The following VAMP4 variants were observed in gnomAD, a reference collection of about 807,000 sequenced individuals.
The protein encoded by VAMP4 is vesicle-associated membrane protein 4.
A neutral mutation model predicts 23.5 loss-of-function variants in VAMP4; 19 were observed. The ratio of observed to expected loss-of-function variants is 0.81; its 90% CI spans 0.56 to 1.19. The LOEUF (loss-of-function observed/expected upper bound fraction) is 1.19, where lower values mean the gene tolerates loss of function less well. VAMP4 is among the 50% of genes most tolerant of loss of function. The pLI is 0.00. For synonymous variants in VAMP4, 31 were observed against 51.0 expected, an observed-to-expected ratio of 0.61 and a Z score of 1.67; for missense variants, 145 against 168.6, an observed-to-expected ratio of 0.86 and a Z score of 0.78.
chr1:171,710,600 T>C (rs1380649418), intron 5 of VAMP4, 114 bp downstream of exon 5: 1 of 729,950 alleles, frequency 1.4e-6, no homozygotes, highest in Non-Finnish European at 2.3e-6. Flanking sequence ...ATCATATACT[T>C]AAGAACCAAA....
chr1:171,737,063 T>C (rs1655766041), intron 2 of VAMP4, among the ~76,000 whole-genome samples: 1 of 152,182 alleles, frequency 6.6e-6, no homozygotes, highest in Admixed American at 6.6e-5. Flanking sequence ...ATGTTTCCTG[T>C]GTTGTACTAA....
In VAMP4 at chr1:171,706,440, A is replaced by T. The variant is rs147291240; in HGVS notation, c.346-22T>A. On this transcript the variant is annotated intron_variant, in intron 6 of 7. Transcript: ENST00000236192. Reference sequence around the variant, plus strand: ...TTATCTACAACACACAAAAGGGCATATATATTAATATTTGACTTGTTAATA... The same window carrying T: ...TTATCTACAACACACAAAAGGGCATTTATATTAATATTTGACTTGTTAATA... 48 of 1,594,398 alleles carry T rather than the reference A, an allele frequency of 3.0e-5. No homozygotes were observed. In the Middle Eastern group the frequency reaches 5.2e-4, roughly 17 times the overall value.
chr1:171,722,341 A>G (rs751957639), intron 3 of VAMP4, among the ~76,000 whole-genome samples: 4 of 152,250 alleles, frequency 2.6e-5, no homozygotes. Context: ...GGACATAGGC[A>G]TGGGCAAGGA....
chr1:171,704,052 T>A lies in VAMP4; in HGVS notation c.*454A>T, dbSNP rs1253151131. ...AAAACAACTGTAATATGAAAGGAAC[T>A]ATATTTCTGCAAATATTGACAGAAT... On this transcript the variant is annotated 3_prime_UTR_variant, in exon 8 of 8. Coordinates refer to ENST00000236192, the MANE Select transcript of VAMP4 (RefSeq NM_003762.5). 1 of 152,604 alleles carries A rather than the reference T, an allele frequency of 6.6e-6. No homozygotes were observed. Among genetic ancestry groups the A allele is most frequent in the Non-Finnish European group, 1.5e-5 (1 of 67,988 alleles). The allele number at this position is 152,604 out of a possible 1,614,324, so 9.5% of individuals were successfully genotyped here. A position where few individuals can be genotyped will look rare whatever the true frequency, so the allele number is the denominator to read the frequency against.
At position 171,719,202 on chromosome 1, in the gene VAMP4, T is replaced by G. The variant is rs1655111082; in HGVS notation, c.133A>C (p.Arg45=). ...ATTTTATCATTTCTAGGTCCAAATC[T>G]TGGTCCAGATGGTCCCCTTCTGAAA... ...DFFLRGPSGP[R]FGPRNDKIKH... The change falls in exon 4 of 8, where the codon AGA becomes CGA. Residue 45 remains arginine, a synonymous_variant. Coordinates refer to ENST00000236192, the MANE Select transcript of VAMP4 (RefSeq NM_003762.5). 6.2e-7 allele frequency: 1 copy of G among 1,611,540 alleles called. No homozygotes were observed. Among genetic ancestry groups the G allele is most frequent in the South Asian group, 1.1e-5 (1 of 90,742 alleles).
intron 4 of VAMP4, among the ~76,000 whole-genome samples, chr1:171,714,016 G>A: frequency 6.6e-6 from 1 of 152,132 alleles, no homozygotes; most frequent in East Asian, 1.9e-4. Flanking sequence ...TAATTTTTCT[G>A]CTACACTATT....
At chr1:171,736,743 A>C (rs1411443742) in intron 2 of VAMP4, among the ~76,000 whole-genome samples, 1 of 152,210 alleles carries the variant, frequency 6.6e-6, no homozygotes, top group Non-Finnish European at 1.5e-5. Context: ...TTGGGAGGCC[A>C]AGGCAGGTGG....
chr1:171,700,177 A>ATAGTT lies in VAMP4; in HGVS notation c.*4324_*4328dup, dbSNP rs1654382517. Reference sequence around the variant, plus strand: ...GTGCTTAATTTTTGTTTTCTATGAAATAGTTTATTTCATTGTTCACTATGG... The same window carrying ATAGTT: ...GTGCTTAATTTTTGTTTTCTATGAAATAGTTTAGTTTATTTCATTGTTCACTATGG... On this transcript the variant is annotated 3_prime_UTR_variant, in exon 8 of 8. Transcript: ENST00000236192. 1 of 152,220 alleles carries ATAGTT rather than the reference A, an allele frequency of 6.6e-6. No individual in the cohort carries two copies. The highest frequency in any genetic ancestry group is 6.5e-5 in the Admixed American group (1 of 15,272). The allele number at this position is 152,220 out of a possible 1,614,324, so 9.4% of individuals were successfully genotyped here.
intron 1 of VAMP4, 140 bp from the exon 2 acceptor site, chr1:171,738,603 C>T: frequency 1.7e-6 from 1 of 584,732 alleles, no homozygotes; most frequent in South Asian, 2.3e-5. Context: ...ACTTGTTCCA[C>T]TCCAGTGACT....
rs150349528 is a variant in VAMP4, at chr1:171,741,105, T to G, written c.-50+805A>C. On this transcript the variant is annotated intron_variant, in intron 1 of 7. Coordinates refer to ENST00000236192, the MANE Select transcript of VAMP4 (RefSeq NM_003762.5). ...ATACATGTAAATAAGAGAGCCATCA[T>G]GTACTTCCACATTGAGGATAGACCA... 2.0e-3 allele frequency among the ~76,000 whole-genome samples: 303 copies of G among 152,350 alleles called. 3 individuals are homozygous for G. Among genetic ancestry groups the G allele is most frequent in the South Asian group, 0.011 (51 of 4,830 alleles).
rs773750031 is a variant in VAMP4, at chr1:171,719,235, C to T, written c.114-14G>A. ...GATGGTCCCCTTCTGAAAACAAGTACATACCAAGTACATATTAGTAGTGAC... is the reference window on the plus strand; with the variant it reads ...GATGGTCCCCTTCTGAAAACAAGTATATACCAAGTACATATTAGTAGTGAC... On this transcript the variant is annotated splice_polypyrimidine_tract_variant and intron_variant, in intron 3 of 7. Coordinates refer to ENST00000236192, the MANE Select transcript of VAMP4 (RefSeq NM_003762.5). 3 of 1,608,000 alleles carry T rather than the reference C, an allele frequency of 1.9e-6. No individual in the cohort carries two copies. Among genetic ancestry groups the T allele is most frequent in the Admixed American group, 3.4e-5 (2 of 59,460 alleles).
At chr1:171,738,529 G>GTGTA in intron 1 of VAMP4, 66 bp from the exon 2 acceptor site, 1 of 1,016,378 alleles carries the variant, frequency 9.8e-7, no homozygotes, top group South Asian at 1.5e-5. Flanking sequence ...ACTTAAAACA[G>GTGTA]TGTACATGAA....
intron 4 of VAMP4, among the ~76,000 whole-genome samples, chr1:171,713,415 T>G (rs1654918351): frequency 6.6e-6 from 1 of 152,116 alleles, no homozygotes; most frequent in Non-Finnish European, 1.5e-5. Context: ...ATTATGGATA[T>G]TAATATATGT....
chr1:171,708,888 A>G (rs1654755642), intron 6 of VAMP4, among the ~76,000 whole-genome samples: 1 of 150,804 alleles, frequency 6.6e-6, no homozygotes, highest in Non-Finnish European at 1.5e-5. Context: ...AAAAAAAAAA[A>G]AAAAAAAGGA....
Position 171,719,201 on chromosome 1 carries a change from C to G in VAMP4, c.134G>C (p.Arg45Thr). ...AATTTTATCATTTCTAGGTCCAAAT[C>G]TTGGTCCAGATGGTCCCCTTCTGAA... ...DFFLRGPSGP[R>T]FGPRNDKIKH... Residue 45 changes from arginine to threonine, a missense_variant, in exon 4 of 8, where the codon AGA becomes ACA. By Grantham distance (71) the Arg-to-Thr change is moderately conservative. Coordinates refer to ENST00000236192, the MANE Select transcript of VAMP4 (RefSeq NM_003762.5). 3 of 1,611,608 alleles carry G rather than the reference C, an allele frequency of 1.9e-6. No homozygotes were observed. Among genetic ancestry groups the G allele is most frequent in the Non-Finnish European group, 2.5e-6 (3 of 1,178,782 alleles).
rs895945614 is a variant in VAMP4 at position 171,741,826 on chromosome 1, G to C, written c.-50+84C>G. On this transcript the variant is annotated intron_variant, in intron 1 of 7. Coordinates refer to ENST00000236192, the MANE Select transcript of VAMP4 (RefSeq NM_003762.5). Reference sequence around the variant, plus strand: ...GCCGACCAGCCCGACTAGGACGTCGGGGGGCGGCAAGGCAGGGGCGTCTTC... The same window carrying C: ...GCCGACCAGCCCGACTAGGACGTCGCGGGGCGGCAAGGCAGGGGCGTCTTC... 3.9e-5 allele frequency: 6 copies of C among 152,324 alleles called. 1 individual carries two copies. The South Asian group carries it at 6.2e-4, about 16-fold the overall frequency. 9.4% of individuals were successfully genotyped at this position (152,324 alleles called of 1,614,324 possible).
chr1:171,708,082 C>G (rs1490909183), intron 6 of VAMP4, among the ~76,000 whole-genome samples: 1 of 151,738 alleles, frequency 6.6e-6, no homozygotes, highest in Non-Finnish European at 1.5e-5. Flanking sequence ...GCAGATTGCT[C>G]GAGGCCAGAA....
In VAMP4 at chr1:171,702,089, A is replaced by T. The variant is rs2124830746; in HGVS notation, c.*2417T>A. On this transcript the variant is annotated 3_prime_UTR_variant, in exon 8 of 8. Transcript: ENST00000236192. ...TCAAGTGCAGGATGATCTGAGCTGA[A>T]TGAGAAAAAAAGTAATTAAGGGAGG... The T allele has an allele frequency of 6.6e-6, 1 of 152,220 alleles. No individual in the cohort carries two copies. Among genetic ancestry groups the T allele is most frequent in the East Asian group, 1.9e-4 (1 of 5,192 alleles). 9.4% of individuals were successfully genotyped at this position (152,220 alleles called of 1,614,324 possible). A position where few individuals can be genotyped will look rare whatever the true frequency, so the allele number is the denominator to read the frequency against.
chr1:171,731,830 A>G (rs1655576479), intron 2 of VAMP4, among the ~76,000 whole-genome samples: 1 of 152,226 alleles, frequency 6.6e-6, no homozygotes, highest in African/African-American at 2.4e-5. Context: ...ATTCTAACAA[A>G]AAGAATGTTA....
Sources: gnomAD v4.1 joint callset for allele counts (sites outside exome capture counted in the v4.1 genomes callset) on GRCh38, gnomAD v4.1.1 for gene constraint, MANE v1.5 for transcripts, NCBI Gene and HGNC (gene_info 2026-07-23, HGNC 2026-07-21) for gene names.